The following LMO7 variants were observed in gnomAD, a reference collection of about 807,000 sequenced individuals.
LMO7 encodes the protein LIM domain 7, also known as LIM domain only protein 7.
In LMO7, 120 loss-of-function variants were observed where a neutral mutation model predicts 206.5. That is an observed-to-expected ratio of 0.58 (90% CI 0.50 to 0.68). The LOEUF (loss-of-function observed/expected upper bound fraction) is 0.68. Ranked by LOEUF, LMO7 falls within the 30% of genes least tolerant of loss-of-function variation. The probability of loss-of-function intolerance (pLI) is 0.00; values close to 1 mark genes in which losing one functional copy is unlikely to be tolerated. For missense variants in LMO7, 1,959 were observed against 1,957.9 expected, an observed-to-expected ratio of 1.00 and a Z score of -0.01; for synonymous variants, 706 against 681.5, an observed-to-expected ratio of 1.04 and a Z score of -0.56.
In LMO7 at chr13:75,809,011, A is replaced by G. The variant is rs7999453; in HGVS notation, c.1917-143A>G. The G allele has an allele frequency of 5.9e-4, 411 of 699,262 alleles. 1 individual carries two copies. The African/African-American group carries it at 6.6e-3, about 11-fold the overall frequency. 43.3% of individuals were successfully genotyped at this position (699,262 alleles called of 1,614,324 possible). Reference sequence around the variant, plus strand: ...TAGGAAATTGATGAGAACTTGAGACATGATCAAGAATGTGATGGAAGAAGT... The same window carrying G: ...TAGGAAATTGATGAGAACTTGAGACGTGATCAAGAATGTGATGGAAGAAGT... On this transcript the variant is annotated intron_variant, in intron 10 of 30. Transcript: ENST00000377534.
At chr13:75,677,938 C>G (rs1266356003) in intron 1 of LMO7, among the ~76,000 whole-genome samples, 1 of 151,848 alleles carries the variant, frequency 6.6e-6, no homozygotes, top group African/African-American at 2.4e-5. Context: ...TGATGGTTTC[C>G]AGCTTCATCC....
At chr13:75,695,016 A>G (rs947452863) in intron 1 of LMO7, among the ~76,000 whole-genome samples, 1 of 151,730 alleles carries the variant, frequency 6.6e-6, no homozygotes, top group Non-Finnish European at 1.5e-5. Context: ...CCTCCCACAC[A>G]CTCCGACACA....
chr13:75,799,787 T>C (rs753851554), intron 6 of LMO7, among the ~76,000 whole-genome samples: 1 of 152,226 alleles, frequency 6.6e-6, no homozygotes, highest in Admixed American at 6.5e-5. Flanking sequence ...TCATGATTAC[T>C]GTAAGTCAGG....
chr13:75,745,408 GT>G (rs1157346638), intron 3 of LMO7, among the ~76,000 whole-genome samples: 3 of 152,178 alleles, frequency 2.0e-5, no homozygotes, highest in African/African-American at 7.2e-5. Context: ...TATATGGTAT[GT>G]GAGTTTTATC....
intron 4 of LMO7, among the ~76,000 whole-genome samples, chr13:75,762,598 T>TA (rs2139744931): frequency 6.6e-6 from 1 of 152,276 alleles, no homozygotes; most frequent in South Asian, 2.1e-4. Context: ...ATGTTGGGCC[T>TA]AAAATGTTTC....
intron 1 of LMO7, among the ~76,000 whole-genome samples, chr13:75,685,741 G>A (rs911639148): frequency 6.6e-6 from 1 of 151,958 alleles, no homozygotes; most frequent in Admixed American, 6.6e-5. Flanking sequence ...GGTGGGAAAA[G>A]CCTGGACATA....
At chr13:75,670,748 G>A (rs1048316109) in intron 1 of LMO7, among the ~76,000 whole-genome samples, 1 of 152,042 alleles carries the variant, frequency 6.6e-6, no homozygotes, top group Admixed American at 6.5e-5. Flanking sequence ...CTGCTGCAGA[G>A]TTTATAAACA....
Position 75,840,100 on chromosome 13 carries a change from T to G in LMO7, c.3467T>G (p.Val1156Gly). 6.2e-7 allele frequency: 1 copy of G among 1,614,032 alleles called. No homozygotes were observed. The highest frequency in any genetic ancestry group is 8.5e-7 in the Non-Finnish European group (1 of 1,179,916). ...TGCAACACAGGAAGCTCTGATTCGGTGGTTCCTGATGTAAGTAGCATTCAT... is the reference window on the plus strand; with the variant it reads ...TGCAACACAGGAAGCTCTGATTCGGGGGTTCCTGATGTAAGTAGCATTCAT... ...QFFEQGSSDS[V>G]VPDLPVPTIS... Residue 1156 changes from valine (V) to glycine (G), a missense_variant, in exon 21 of 31, where the codon GTG becomes GGG. Coordinates refer to ENST00000377534, the MANE Select transcript of LMO7 (RefSeq NM_001306080.2).
At chr13:75,726,301 G>A (rs565835047) in intron 2 of LMO7, among the ~76,000 whole-genome samples, 17 of 152,054 alleles carry the variant, frequency 1.1e-4, no homozygotes, top group East Asian at 3.9e-4. Context: ...AAGCAAAATC[G>A]TACTCAAGTT....
intron 1 of LMO7, among the ~76,000 whole-genome samples, chr13:75,666,513 G>A (rs1310354178): frequency 6.6e-6 from 1 of 152,006 alleles, no homozygotes; most frequent in Non-Finnish European, 1.5e-5. Flanking sequence ...GTGTAGTGAG[G>A]GTTTTTGGTG....
In LMO7 at chr13:75,833,156, G is replaced by C. The variant is rs781069841; in HGVS notation, c.3055G>C (p.Val1019Leu). 2 of 1,555,444 alleles carry C rather than the reference G, an allele frequency of 1.3e-6. No homozygotes were observed. Among genetic ancestry groups the C allele is most frequent in the Admixed American group, 1.7e-5 (1 of 59,898 alleles). ...TATTCCTGGGATCTTCGTAGCATCAGTTGAAGCAGGTAAATTATGTGTTTA... is the reference window on the plus strand; with the variant it reads ...TATTCCTGGGATCTTCGTAGCATCACTTGAAGCAGGTAAATTATGTGTTTA... ...WDIPGIFVASVEAGSPAEFSQ... is the reference protein window; with the variant it reads ...WDIPGIFVASLEAGSPAEFSQ... Residue 1019 changes from valine (V) to leucine (L), a missense_variant, in exon 16 of 31, where the codon GTT (valine) becomes CTT (leucine). Val to Leu is a conservative substitution (Grantham distance 32). Transcript: ENST00000377534.
Position 75,840,089 on chromosome 13 carries a change from C to T in LMO7, c.3456C>T (p.Ser1152=). ...TGCCCATGTGCTGCAACACAGGAAG[C>T]TCTGATTCGGTGGTTCCTGATGTAA... is the stretch of plus-strand genomic sequence containing the variant. ...KRRSQFFEQG[S]SDSVVPDLPV... is the part of the protein sequence containing the mutation. Residue 1152 remains serine (S), a synonymous_variant, in exon 21 of 31, where the codon AGC becomes AGT. Transcript: ENST00000377534. 6.2e-7 allele frequency: 1 copy of T among 1,613,890 alleles called. No homozygotes were observed. The highest frequency in any genetic ancestry group is 8.5e-7 in the Non-Finnish European group (1 of 1,179,820).
rs556258250 is a variant in LMO7 at position 75,815,248 on chromosome 13, GAT to G, written c.1947-1911_1947-1910del. Among the ~76,000 whole-genome samples, 424 of 152,294 alleles carry G rather than the reference GAT, an allele frequency of 2.8e-3. 3 individuals are homozygous for G. Among genetic ancestry groups the G allele is most frequent in the Middle Eastern group, 6.8e-3 (2 of 294 alleles). On this transcript the variant is annotated intron_variant, in intron 11 of 30. Coordinates refer to ENST00000377534, the MANE Select transcript of LMO7 (RefSeq NM_001306080.2). Reference sequence around the variant, plus strand: ...TCCAGGTAGCAGATGTGATTACTGTGATAATTGTGATCATCCAGGTAGGAGTC... The same window carrying G: ...TCCAGGTAGCAGATGTGATTACTGTGAATTGTGATCATCCAGGTAGGAGTC...
intron 3 of LMO7, among the ~76,000 whole-genome samples, chr13:75,730,308 C>T (rs1412826735): frequency 6.6e-6 from 1 of 152,190 alleles, no homozygotes; most frequent in East Asian, 1.9e-4. Context: ...ACTTCAGATC[C>T]TGTTATTGGT....
At chr13:75,664,492 G>A (rs1041024237) in intron 1 of LMO7, among the ~76,000 whole-genome samples, 2 of 152,214 alleles carry the variant, frequency 1.3e-5, no homozygotes, top group Non-Finnish European at 2.9e-5. Flanking sequence ...AAATATGGGA[G>A]TGCAGATCTC....
intron 27 of LMO7, among the ~76,000 whole-genome samples, chr13:75,851,320 C>G (rs2060490545): frequency 6.6e-6 from 1 of 152,180 alleles, no homozygotes. Context: ...GACTGTTAAA[C>G]ACAAGCACAT....
intron 1 of LMO7, among the ~76,000 whole-genome samples, chr13:75,687,821 A>C (rs8002308): frequency 0.053 from 8,077 of 152,238 alleles, 241 homozygotes; most frequent in South Asian, 0.074. Context: ...TCTTAAAAAT[A>C]AAATGCAAGA....
chr13:75,835,062 A>T, intron 17 of LMO7, 171 bp from the exon 18 acceptor site: 1 of 747,004 alleles, frequency 1.3e-6, no homozygotes, highest in Non-Finnish European at 1.9e-6. Flanking sequence ...GTATATGTAG[A>T]TTTTTTTTTA....
chr13:75,647,696 TAA>T (rs76316523), intron 1 of LMO7, among the ~76,000 whole-genome samples: 1 of 150,778 alleles, frequency 6.6e-6, no homozygotes, highest in Non-Finnish European at 1.5e-5. Context: ...TGTTTAGAAA[TAA>T]AAAAAAATAG....
Sources: allele counts gnomAD v4.1 joint callset (sites outside exome capture counted in the v4.1 genomes callset), GRCh38; gene constraint gnomAD v4.1.1; transcripts MANE v1.5; gene names NCBI Gene and HGNC (gene_info 2026-07-23, HGNC 2026-07-21).